GPC6: variants seen among roughly 807,000 people sequenced by gnomAD.
The protein encoded by GPC6 is glypican-6.
Under a neutral mutation model 55.2 loss-of-function variants are expected in GPC6, and 14 were observed. The observed-to-expected ratio is 0.25, with a 90% CI of 0.17 to 0.40. The LOEUF (loss-of-function observed/expected upper bound fraction) is 0.40, where lower values mean the gene tolerates loss of function less well. Ranked by LOEUF, GPC6 falls within the 10% of genes least tolerant of loss-of-function variation. The pLI is 1.00. For missense variants in GPC6, 641 were observed against 708.5 expected, an observed-to-expected ratio of 0.90 and a Z score of 1.08; for synonymous variants, 278 against 259.6, an observed-to-expected ratio of 1.07 and a Z score of -0.68.
At chr13:93,769,399 A>C (rs1218893854) in intron 2 of GPC6, among the ~76,000 whole-genome samples, 1 of 151,294 alleles carries the variant, frequency 6.6e-6, no homozygotes, top group Non-Finnish European at 1.5e-5. Context: ...CAAGTTTCAG[A>C]GAAACACAAG....
In GPC6 at chr13:93,318,992, A is replaced by G. The variant is rs142048128; in HGVS notation, c.160+91376A>G. ...ACTTAGAGAGGTTGCATACATTGGA[A>G]CACCATGCACAGCTGGGGGTGGAGT... On this transcript the variant is annotated intron_variant, in intron 1 of 8. Transcript: ENST00000377047. Among the ~76,000 whole-genome samples the G allele has an allele frequency of 5.3e-5, 8 of 152,162 alleles. No homozygotes were observed. The East Asian group carries it at 1.4e-3, about 26-fold the overall frequency.
At chr13:94,176,830 T>C (rs1016694883) in intron 4 of GPC6, among the ~76,000 whole-genome samples, 5 of 152,138 alleles carry the variant, frequency 3.3e-5, no homozygotes, top group Non-Finnish European at 5.9e-5. Flanking sequence ...TGTATGCTTC[T>C]CCGGGGTGAA....
intron 1 of GPC6, among the ~76,000 whole-genome samples, chr13:93,510,950 A>AATAT (rs148310932): frequency 7.0e-4 from 20 of 28,476 alleles, no homozygotes; most frequent in African/African-American, 1.5e-3. Flanking sequence ...TCTTTTGAGA[A>AATAT]ATATATATAT....
At position 94,377,169 on chromosome 13, in the gene GPC6, G is replaced by A. The variant is rs1336836246; in HGVS notation, c.1153-5245G>A. Among the ~76,000 whole-genome samples the A allele has an allele frequency of 4.8e-3, 727 of 151,818 alleles. 11 individuals carry two copies. Among genetic ancestry groups the A allele is most frequent in the African/African-American group, 0.017 (706 of 41,404 alleles). On this transcript the variant is annotated intron_variant, in intron 6 of 8. Coordinates refer to ENST00000377047, the MANE Select transcript of GPC6 (RefSeq NM_005708.5). ...GGACTTCATGTCTAAAACACCAAAA[G>A]CAATGGCAACAAAAGACACAATTGA...
chr13:94,058,415 A>G (rs1884205771), intron 4 of GPC6, among the ~76,000 whole-genome samples: 1 of 152,196 alleles, frequency 6.6e-6, no homozygotes, highest in African/African-American at 2.4e-5. Context: ...CAACAAATAT[A>G]ACTTGGTGTG....
intron 4 of GPC6, among the ~76,000 whole-genome samples, chr13:94,074,826 T>C (rs1884852277): frequency 6.6e-6 from 1 of 152,210 alleles, no homozygotes; most frequent in Non-Finnish European, 1.5e-5. Context: ...ATGTATTCTT[T>C]CCTTAGTTAA....
At chr13:93,447,170 G>T (rs1878039358) in intron 1 of GPC6, among the ~76,000 whole-genome samples, 1 of 152,110 alleles carries the variant, frequency 6.6e-6, no homozygotes. Flanking sequence ...ATTAACTCAT[G>T]ACTTTATCAA....
intron 3 of GPC6, among the ~76,000 whole-genome samples, chr13:93,853,891 A>G (rs1468097781): frequency 6.6e-6 from 1 of 151,726 alleles, no homozygotes; most frequent in Non-Finnish European, 1.5e-5. Flanking sequence ...TACTCAAGTC[A>G]ATGAAACACA....
chr13:93,223,340 G>A (rs957565858), upstream of GPC6, among the ~76,000 whole-genome samples: 1 of 152,040 alleles, frequency 6.6e-6, no homozygotes, highest in Non-Finnish European at 1.5e-5. Context: ...AAAACCAGCT[G>A]GGATGTGAAA....
intron 1 of GPC6, among the ~76,000 whole-genome samples, chr13:93,386,645 A>T (rs1305774903): frequency 6.6e-6 from 1 of 152,208 alleles, no homozygotes; most frequent in Admixed American, 6.5e-5. Flanking sequence ...TGCAAATAAC[A>T]ATATTGTGGA....
At chr13:94,233,565 C>G (rs1304422933) in intron 4 of GPC6, among the ~76,000 whole-genome samples, 1 of 152,136 alleles carries the variant, frequency 6.6e-6, no homozygotes, top group Admixed American at 6.5e-5. Flanking sequence ...TGGCACCATC[C>G]CATTCAGTCC....
rs73552301 is a variant in GPC6 at position 93,277,422 on chromosome 13, A to G, written c.160+49806A>G. 8.8e-3 allele frequency among the ~76,000 whole-genome samples: 1,339 copies of G among 152,338 alleles called. 11 individuals carry two copies. Among genetic ancestry groups the G allele is most frequent in the African/African-American group, 0.028 (1,181 of 41,574 alleles). The stretch of plus-strand genomic sequence containing the variant: ...TTATAAATTGCCAGACACTATACAA[A>G]TAGAAATGACGAATGCTGGTACAGA... On this transcript the variant is annotated intron_variant, in intron 1 of 8. Coordinates refer to ENST00000377047, the MANE Select transcript of GPC6 (RefSeq NM_005708.5).
intron 1 of GPC6, among the ~76,000 whole-genome samples, chr13:93,367,301 C>A (rs1032878652): frequency 6.6e-5 from 10 of 152,036 alleles, no homozygotes; most frequent in African/African-American, 2.4e-4. Flanking sequence ...CAAGGAATAT[C>A]CCTAGTTTCA....
intron 1 of GPC6, among the ~76,000 whole-genome samples, chr13:93,396,744 A>G (rs924269721): frequency 3.3e-5 from 5 of 152,158 alleles, no homozygotes; most frequent in Non-Finnish European, 7.3e-5. Context: ...GATTGCTTAT[A>G]TCAGTGATTG....
At chr13:94,108,924 C>T (rs994980544) in intron 4 of GPC6, among the ~76,000 whole-genome samples, 2 of 152,058 alleles carry the variant, frequency 1.3e-5, no homozygotes, top group Admixed American at 6.6e-5. Context: ...TTAGTGGCCT[C>T]ACTGGTGGCC....
intron 4 of GPC6, among the ~76,000 whole-genome samples, chr13:94,069,112 G>T (rs1156377937): frequency 6.6e-6 from 1 of 152,134 alleles, no homozygotes; most frequent in Non-Finnish European, 1.5e-5. Flanking sequence ...TGGGCATCCA[G>T]GTGTTTCCAT....
chr13:94,092,057 G>T (rs1885504121), intron 4 of GPC6, among the ~76,000 whole-genome samples: 1 of 143,862 alleles, frequency 7.0e-6, no homozygotes, highest in Admixed American at 7.5e-5. Context: ...AATGTGAAAT[G>T]ATTTTCATGA....
At chr13:93,636,346 T>A (rs1879694758) in intron 2 of GPC6, among the ~76,000 whole-genome samples, 1 of 152,186 alleles carries the variant, frequency 6.6e-6, no homozygotes, top group African/African-American at 2.4e-5. Context: ...AACCCCTGAT[T>A]GAAATTCTGT....
At chr13:93,765,389 T>C (rs1428582056) in intron 2 of GPC6, among the ~76,000 whole-genome samples, 6 of 126,662 alleles carry the variant, frequency 4.7e-5, no homozygotes, top group African/African-American at 1.8e-4. Flanking sequence ...GCATGAAAAA[T>C]GGCCAAACAT....
Sources: allele counts gnomAD v4.1 joint callset (sites outside exome capture counted in the v4.1 genomes callset), GRCh38; gene constraint gnomAD v4.1.1; transcripts MANE v1.5; gene names NCBI Gene and HGNC (gene_info 2026-07-23, HGNC 2026-07-21).